ABCC3: variants seen among roughly 807,000 people sequenced by gnomAD.
ABCC3 encodes the protein ATP-binding cassette sub-family C member 3.
A neutral mutation model predicts 165.3 loss-of-function variants in ABCC3; 121 were observed. The observed-to-expected ratio is 0.73, with a 90% CI of 0.63 to 0.85. ABCC3 has a LOEUF of 0.85. ABCC3 is among the 40% of genes least tolerant of loss of function. The probability of loss-of-function intolerance (pLI) is 0.00; values close to 1 mark genes in which losing one functional copy is unlikely to be tolerated. For missense variants in ABCC3, 1,869 were observed against 1,964.1 expected, an observed-to-expected ratio of 0.95 and a Z score of 0.92; for synonymous variants, 733 against 810.1, an observed-to-expected ratio of 0.90 and a Z score of 1.62.
At chr17:50,647,098 C>T (rs1048654949) in intron 1 of ABCC3, among the ~76,000 whole-genome samples, 1 of 152,116 alleles carries the variant, frequency 6.6e-6, no homozygotes, top group Non-Finnish European at 1.5e-5. Context: ...AGGCTGGTCT[C>T]GAACTCCTGA....
chr17:50,682,454 T>G (rs991612931), intron 26 of ABCC3, among the ~76,000 whole-genome samples: 1 of 149,438 alleles, frequency 6.7e-6, no homozygotes, highest in Non-Finnish European at 1.5e-5. Context: ...TAAAATGGCC[T>G]GCAAGGCCCT....
At chr17:50,660,514 C>A (rs1967353382) in intron 7 of ABCC3, among the ~76,000 whole-genome samples, 1 of 152,128 alleles carries the variant, frequency 6.6e-6, no homozygotes, top group Non-Finnish European at 1.5e-5. Flanking sequence ...GACCTATGGG[C>A]CCCCAGTCTG....
intron 1 of ABCC3, among the ~76,000 whole-genome samples, chr17:50,655,554 A>C (rs984718700): frequency 6.6e-6 from 1 of 152,054 alleles, no homozygotes; most frequent in Non-Finnish European, 1.5e-5. Flanking sequence ...AAACTCACTG[A>C]TTGTACACTT....
intron 8 of ABCC3, 142 bp from the exon 9 acceptor site, chr17:50,663,539 C>T: frequency 2.1e-6 from 2 of 963,210 alleles, no homozygotes; most frequent in Non-Finnish European, 3.1e-6. Flanking sequence ...GGTTGACCCT[C>T]CCTGGCCCAA....
In ABCC3 at chr17:50,683,598, C is replaced by T. The variant is rs1166244081; in HGVS notation, c.3808-12C>T. 1.3e-6 allele frequency: 2 copies of T among 1,545,794 alleles called. No individual in the cohort carries two copies. The highest frequency in any genetic ancestry group is 1.7e-6 in the Non-Finnish European group (2 of 1,147,672). On this transcript the variant is annotated splice_polypyrimidine_tract_variant and intron_variant, in intron 26 of 30. Coordinates refer to ENST00000285238, the MANE Select transcript of ABCC3 (RefSeq NM_003786.4). The stretch of plus-strand genomic sequence containing the variant: ...GGGCAGCTGATGTGACCCCATCTGC[C>T]CCTCCTGCCAGGCGCCCTGGGTGGT...
At chr17:50,635,194 C>G (rs2054167352) in intron 1 of ABCC3, 1 of 626,550 alleles carries the variant, frequency 1.6e-6, no homozygotes, top group Non-Finnish European at 2.8e-6. Context: ...ACCTGCCCTG[C>G]TCTGCCCTTC....
chr17:50,663,883 A>G (rs774039965), intron 9 of ABCC3, 25 bp downstream of exon 9: 2 of 1,614,050 alleles, frequency 1.2e-6, no homozygotes. Context: ...GGCCCAGGGG[A>G]AAGGCTGGCC....
At chr17:50,663,541 C>G in intron 8 of ABCC3, 140 bp from the exon 9 acceptor site, 4 of 989,762 alleles carry the variant, frequency 4.0e-6, no homozygotes, top group Non-Finnish European at 4.4e-6. Context: ...TTGACCCTCC[C>G]TGGCCCAAGA....
intron 17 of ABCC3, among the ~76,000 whole-genome samples, chr17:50,672,044 T>C (rs1028461252): frequency 2.6e-5 from 4 of 151,972 alleles, no homozygotes; most frequent in African/African-American, 9.7e-5. Flanking sequence ...TTCTTTCTTA[T>C]AAAGCCACCG....
At chr17:50,660,262 T>G (rs1371642487) in intron 7 of ABCC3, among the ~76,000 whole-genome samples, 2 of 152,118 alleles carry the variant, frequency 1.3e-5, no homozygotes, top group Non-Finnish European at 2.9e-5. Flanking sequence ...CAGCCTCTTA[T>G]CAAGGACCAC....
intron 26 of ABCC3, 47 bp downstream of exon 26, chr17:50,679,946 G>T: frequency 6.6e-7 from 1 of 1,517,744 alleles, no homozygotes; most frequent in Non-Finnish European, 9.1e-7. Flanking sequence ...GAAGTAGCTG[G>T]GGAAGAAAGC....
Position 50,658,450 on chromosome 17 carries a change from A to C in ABCC3, c.628A>C (p.Thr210Pro), listed in dbSNP as rs1458541706. ...KNVDPNPYPE[T>P]SAGFLSRLFF... ...CGCCTTCTAGAACCCCTACCCTGAG[A>C]CCAGCGCTGGCTTTCTCTCCCGCCT... The change falls in exon 6 of 31, where the codon ACC (threonine) becomes CCC (proline). Residue 210 changes from threonine to proline, a missense_variant. Transcript: ENST00000285238. The C allele has an allele frequency of 8.7e-6, 14 of 1,613,890 alleles. No homozygotes were observed. Among genetic ancestry groups the C allele is most frequent in the Non-Finnish European group, 1.1e-5 (13 of 1,179,944 alleles).
chr17:50,667,669 G>A lies in ABCC3; in HGVS notation c.1547G>A (p.Gly516Asp), dbSNP rs775184285. Residue 516 changes from glycine (G) to aspartate (D), a missense_variant, in exon 12 of 31, where the codon GGC (glycine) becomes GAC (aspartate). Physicochemically the swap from Gly to Asp is moderately conservative, Grantham distance 94. Coordinates refer to ENST00000285238, the MANE Select transcript of ABCC3 (RefSeq NM_003786.4). Reference protein sequence around the residue: ...WEPSFLKQVEGIRQGELQLLR... With the variant: ...WEPSFLKQVEDIRQGELQLLR... Reference sequence around the variant, plus strand: ...CCCAGCTTCCTGAAGCAGGTGGAGGGCATCAGGCAGGGTGAGCTCCAGCTG... The same window carrying A: ...CCCAGCTTCCTGAAGCAGGTGGAGGACATCAGGCAGGGTGAGCTCCAGCTG... The A allele has an allele frequency of 3.7e-6, 6 of 1,614,048 alleles. No homozygotes were observed. The highest frequency in any genetic ancestry group is 8.5e-7 in the Non-Finnish European group (1 of 1,180,038).
chr17:50,651,931 A>G (rs1201780317), intron 1 of ABCC3, among the ~76,000 whole-genome samples: 2 of 152,240 alleles, frequency 1.3e-5, no homozygotes, highest in Non-Finnish European at 2.9e-5. Context: ...CAGTAAACCT[A>G]GATAGGAAAT....
chr17:50,669,636 A>T (rs1967603450), intron 17 of ABCC3, 108 bp downstream of exon 17: 1 of 1,203,714 alleles, frequency 8.3e-7, no homozygotes, highest in South Asian at 1.4e-5. Context: ...GTGTAACGTT[A>T]TGCCCAACTC....
At position 50,665,134 on chromosome 17, in the gene ABCC3, T is replaced by C. The variant is rs200267709; in HGVS notation, c.1339-19T>C. ...GTAATCTGTCCCTATGTGTCATCTA[T>C]CCACCGGTGCCTCCTCAGAACCTAG... On this transcript the variant is annotated intron_variant, in intron 10 of 30. Coordinates refer to ENST00000285238, the MANE Select transcript of ABCC3 (RefSeq NM_003786.4). 3 of 1,610,910 alleles carry C rather than the reference T, an allele frequency of 1.9e-6. No individual in the cohort carries two copies. In the East Asian group the frequency reaches 6.7e-5, roughly 36 times the overall value.
At chr17:50,673,997 T>TTC in intron 19 of ABCC3, among the ~76,000 whole-genome samples, 1 of 9,724 alleles carries the variant, frequency 1.0e-4, no homozygotes, top group Admixed American at 1.2e-3. Context: ...TCTCTCTCTC[T>TTC]CTCTCTCTCT....
chr17:50,660,725 C>T (rs1967359334), intron 7 of ABCC3, among the ~76,000 whole-genome samples, 198 bp from the exon 8 acceptor site: 2 of 152,166 alleles, frequency 1.3e-5, no homozygotes, highest in South Asian at 4.1e-4. Context: ...GCAGTCTGGC[C>T]ACCCCTTCAG....
At chr17:50,673,976 C>CTT (rs1348622978) in intron 19 of ABCC3, among the ~76,000 whole-genome samples, 3 of 12,180 alleles carry the variant, frequency 2.5e-4, no homozygotes, top group African/African-American at 1.2e-3. Context: ...TTCTTTCTTT[C>CTT]TTTCTCTCTC....
Sources: gnomAD v4.1 joint callset for allele counts (sites outside exome capture counted in the v4.1 genomes callset) on GRCh38, gnomAD v4.1.1 for gene constraint, MANE v1.5 for transcripts, NCBI Gene and HGNC (gene_info 2026-07-23, HGNC 2026-07-21) for gene names.